Variants in TMTC4 observed in about 807,000 individuals in gnomAD.
TMTC4 encodes the protein transmembrane O-mannosyltransferase targeting cadherins 4, also known as protein O-mannosyl-transferase TMTC4.
TMTC4 carries 65 observed loss-of-function variants against 86.0 expected under a neutral mutation model. The ratio of observed to expected loss-of-function variants is 0.76; its 90% CI spans 0.62 to 0.93. The LOEUF is 0.93. TMTC4 is among the 40% of genes least tolerant of loss of function. TMTC4 has a pLI of 0.00. For missense variants in TMTC4, 866 were observed against 948.1 expected (o/e 0.91, Z 1.14); for synonymous variants, 379 against 382.5 (o/e 0.99, Z 0.11).
At chr13:100,618,510 T>C (rs929790167) in intron 15 of TMTC4, among the ~76,000 whole-genome samples, 10 of 151,384 alleles carry the variant, frequency 6.6e-5, no homozygotes, top group Admixed American at 6.6e-5. Context: ...TATTTTTTTA[T>C]TGATCATTCT....
At chr13:100,621,766 A>G (rs181936875) in intron 15 of TMTC4, among the ~76,000 whole-genome samples, 4 of 152,308 alleles carry the variant, frequency 2.6e-5, no homozygotes, top group African/African-American at 9.6e-5. Context: ...ATATTTAGTC[A>G]CTGAGTACTA....
At chr13:100,639,182 C>T (rs988029863) in intron 7 of TMTC4, among the ~76,000 whole-genome samples, 2 of 152,174 alleles carry the variant, frequency 1.3e-5, no homozygotes, top group Admixed American at 6.5e-5. Context: ...AAGGAGATCA[C>T]ACATCATCAG....
chr13:100,656,541 A>AATTTTTT, intron 5 of TMTC4, 73 bp from the exon 6 acceptor site: 1 of 462,948 alleles, frequency 2.2e-6, no homozygotes, highest in Non-Finnish European at 3.3e-6. Context: ...AGGAGACATA[A>AATTTTTT]CTTTTTTTTT....
At chr13:100,623,429 C>T (rs762127305) in intron 15 of TMTC4, among the ~76,000 whole-genome samples, 6 of 152,144 alleles carry the variant, frequency 3.9e-5, no homozygotes, top group Admixed American at 1.3e-4. Flanking sequence ...GATGTGGTTT[C>T]GCCATGTTGG....
chr13:100,666,269 C>T (rs1293859979), intron 3 of TMTC4, among the ~76,000 whole-genome samples: 2 of 152,232 alleles, frequency 1.3e-5, no homozygotes, highest in African/African-American at 2.4e-5. Flanking sequence ...CAGTCTCTAA[C>T]ATCACTAAAA....
chr13:100,617,140 T>TTA (rs1015003490), intron 15 of TMTC4, among the ~76,000 whole-genome samples: 1 of 151,938 alleles, frequency 6.6e-6, no homozygotes, highest in Non-Finnish European at 1.5e-5. Flanking sequence ...TTTTTTTTTT[T>TTA]AAAGACAGGG....
intron 6 of TMTC4, among the ~76,000 whole-genome samples, chr13:100,650,507 A>G (rs915984990): frequency 1.3e-5 from 2 of 152,218 alleles, no homozygotes; most frequent in South Asian, 2.1e-4. Context: ...TGGCATCTCC[A>G]CCGCTCAAAA....
intron 2 of TMTC4, among the ~76,000 whole-genome samples, chr13:100,669,429 G>GA (rs995638350): frequency 1.3e-5 from 2 of 152,110 alleles, no homozygotes; most frequent in African/African-American, 4.8e-5. Flanking sequence ...GACTGGTGGG[G>GA]ACAATATCTT....
intron 12 of TMTC4, among the ~76,000 whole-genome samples, chr13:100,629,904 C>T (rs117033580): frequency 3.9e-5 from 6 of 152,150 alleles, no homozygotes; most frequent in South Asian, 2.1e-4. Context: ...GGGAAGGTGC[C>T]GTCTGCAAGC....
At chr13:100,657,053 C>T (rs1019596227) in intron 5 of TMTC4, among the ~76,000 whole-genome samples, 3 of 152,156 alleles carry the variant, frequency 2.0e-5, no homozygotes, top group Non-Finnish European at 4.4e-5. Flanking sequence ...TGGACACAGA[C>T]GGCGATATGC....
intron 12 of TMTC4, 123 bp downstream of exon 12, chr13:100,634,682 A>T: frequency 8.0e-7 from 1 of 1,251,558 alleles, no homozygotes. Flanking sequence ...ACAAAGAAAA[A>T]CCCAAGTATT....
intron 4 of TMTC4, among the ~76,000 whole-genome samples, chr13:100,663,466 C>T (rs895508826): frequency 6.6e-6 from 1 of 152,112 alleles, no homozygotes; most frequent in Admixed American, 6.5e-5. Context: ...GAAAGCTAGA[C>T]GATGTTTTAA....
chr13:100,673,216 C>A, intron 1 of TMTC4: 1 of 677,352 alleles, frequency 1.5e-6, no homozygotes, highest in Non-Finnish European at 1.8e-6. Flanking sequence ...CACAGGGACC[C>A]CAGAAAAACA....
At chr13:100,639,227 A>G (rs1882692412) in intron 7 of TMTC4, among the ~76,000 whole-genome samples, 1 of 152,310 alleles carries the variant, frequency 6.6e-6, no homozygotes, top group South Asian at 2.1e-4. Flanking sequence ...CAGAGCAAGG[A>G]TGACATCCCT....
At chr13:100,664,902 G>A (rs1379329799) in intron 3 of TMTC4, among the ~76,000 whole-genome samples, 1 of 152,154 alleles carries the variant, frequency 6.6e-6, no homozygotes, top group Admixed American at 6.5e-5. Context: ...TATACAGAAG[G>A]TGCTTAATAC....
At chr13:100,656,211 T>C (rs1444610359) in intron 6 of TMTC4, among the ~76,000 whole-genome samples, 170 bp downstream of exon 6, 3 of 152,162 alleles carry the variant, frequency 2.0e-5, no homozygotes, top group Non-Finnish European at 4.4e-5. Flanking sequence ...GAAAAAGCAA[T>C]GGCACAAATA....
In TMTC4 at chr13:100,604,198, A is replaced by G. The variant is rs1238393555; in HGVS notation, c.*796T>C. ...AGATAAACACACTAAAAAGCAGCTTACACAGATGTGTTGCCCTCTTCACCT... is the reference window on the plus strand; with the variant it reads ...AGATAAACACACTAAAAAGCAGCTTGCACAGATGTGTTGCCCTCTTCACCT... On this transcript the variant is annotated 3_prime_UTR_variant, in exon 19 of 19. Coordinates refer to ENST00000342624, the MANE Select transcript of TMTC4 (RefSeq NM_032813.5). 6.5e-6 allele frequency: 1 copy of G among 152,686 alleles called. No homozygotes were observed. Among genetic ancestry groups the G allele is most frequent in the Non-Finnish European group, 1.5e-5 (1 of 68,042 alleles). 9.5% of individuals were successfully genotyped at this position (152,686 alleles called of 1,614,324 possible).
chr13:100,624,220 G>A (rs538460524), intron 15 of TMTC4, among the ~76,000 whole-genome samples: 44 of 152,050 alleles, frequency 2.9e-4, no homozygotes, highest in Admixed American at 1.0e-3. Flanking sequence ...CAGCTACTCC[G>A]GAGGCTGAGG....
chr13:100,630,027 A>ATGTGTGTG (rs71121125), intron 12 of TMTC4, among the ~76,000 whole-genome samples: 6 of 46,106 alleles, frequency 1.3e-4, no homozygotes, highest in Non-Finnish European at 2.8e-4. Context: ...ATCTGTGTGT[A>ATGTGTGTG]TGTGTGTGTG....
Sources: allele counts gnomAD v4.1 joint callset (sites outside exome capture counted in the v4.1 genomes callset), GRCh38; gene constraint gnomAD v4.1.1; transcripts MANE v1.5; gene names NCBI Gene and HGNC (gene_info 2026-07-23, HGNC 2026-07-21).